DCC: variants seen among roughly 807,000 people sequenced by gnomAD.
DCC encodes netrin receptor DCC.
Under a neutral mutation model 172.5 loss-of-function variants are expected in DCC, and 58 were observed. The observed-to-expected ratio is 0.34, with a 90% CI of 0.27 to 0.42. The LOEUF (loss-of-function observed/expected upper bound fraction) is 0.42. Among genes scored for constraint, DCC ranks in the 10% least tolerant of loss-of-function variants. The pLI, the probability that DCC is intolerant of heterozygous loss-of-function variation, is 1.00. For synonymous variants in DCC, 709 were observed against 644.5 expected (o/e 1.10, Z -1.52); for missense variants, 1,740 against 1,791.0 (o/e 0.97, Z 0.51).
chr18:53,486,457 T>C (rs1445587923), intron 25 of DCC, among the ~76,000 whole-genome samples: 1 of 152,186 alleles, frequency 6.6e-6, no homozygotes, highest in African/African-American at 2.4e-5. Context: ...AATGCCATAG[T>C]TCATCCTTAA....
chr18:52,488,794 C>G (rs1273094647), intron 1 of DCC, among the ~76,000 whole-genome samples: 2 of 152,012 alleles, frequency 1.3e-5, no homozygotes, highest in South Asian at 4.1e-4. Flanking sequence ...AAGCAAGATA[C>G]TAGGGATCAA....
At position 52,449,797 on chromosome 18, in the gene DCC, G is replaced by A. The variant is rs546180265; in HGVS notation, c.91+108919G>A. 4.7e-3 allele frequency among the ~76,000 whole-genome samples: 718 copies of A among 152,274 alleles called. 3 individuals are homozygous for A. Among genetic ancestry groups the A allele is most frequent in the Non-Finnish European group, 7.8e-3 (532 of 68,024 alleles). ...ATAGTGAATAAGTCTCATGAGATCT[G>A]ATGGTTTTATAAAGGGCAGTTCCCC... On this transcript the variant is annotated intron_variant, in intron 1 of 28. Coordinates refer to ENST00000442544, the MANE Select transcript of DCC (RefSeq NM_005215.4).
chr18:53,380,186 A>G (rs1485302487), intron 15 of DCC, among the ~76,000 whole-genome samples: 1 of 151,936 alleles, frequency 6.6e-6, no homozygotes, highest in Non-Finnish European at 1.5e-5. Flanking sequence ...GAGCAATTCT[A>G]GGCAATTCTT....
intron 2 of DCC, among the ~76,000 whole-genome samples, chr18:52,877,508 G>A (rs1200135253): frequency 6.6e-6 from 1 of 151,802 alleles, no homozygotes; most frequent in African/African-American, 2.4e-5. Context: ...CAGGAGTTCG[G>A]GACCATCCTG....
chr18:52,821,043 C>CG (rs2038396352), intron 2 of DCC, among the ~76,000 whole-genome samples: 1 of 152,130 alleles, frequency 6.6e-6, no homozygotes, highest in Non-Finnish European at 1.5e-5. Context: ...CATTTTATGA[C>CG]GTTATTTCAT....
chr18:52,366,196 T>G (rs1007959429), intron 1 of DCC, among the ~76,000 whole-genome samples: 5 of 152,192 alleles, frequency 3.3e-5, no homozygotes, highest in Non-Finnish European at 5.9e-5. Context: ...AGTACTAATG[T>G]GTCCGGAATT....
chr18:52,915,600 A>G (rs185493884), intron 3 of DCC, among the ~76,000 whole-genome samples: 31 of 152,256 alleles, frequency 2.0e-4, no homozygotes, highest in Admixed American at 5.2e-4. Context: ...TGAATATATT[A>G]AGTGTAAATA....
chr18:53,250,946 C>A (rs1278712883), intron 12 of DCC, among the ~76,000 whole-genome samples: 1 of 151,944 alleles, frequency 6.6e-6, no homozygotes, highest in Admixed American at 6.6e-5. Flanking sequence ...TCTTTCCGAA[C>A]AGATGAGCCT....
intron 5 of DCC, among the ~76,000 whole-genome samples, chr18:53,059,470 G>A (rs2042463360): frequency 6.6e-6 from 1 of 152,084 alleles, no homozygotes; most frequent in South Asian, 2.1e-4. Flanking sequence ...TTAAAAGAAA[G>A]GCAGAAGAGC....
chr18:52,591,787 C>CTTTTTTTTTTTTT (rs370150482), intron 1 of DCC, among the ~76,000 whole-genome samples: 5 of 125,126 alleles, frequency 4.0e-5, no homozygotes, highest in African/African-American at 5.8e-5. Flanking sequence ...TTATTTATTT[C>CTTTTTTTTTTTTT]TTTTTTTTTT....
chr18:52,576,854 G>A (rs2033426855), intron 1 of DCC, among the ~76,000 whole-genome samples: 1 of 149,794 alleles, frequency 6.7e-6, no homozygotes, highest in African/African-American at 2.4e-5. Flanking sequence ...AGAAAATAAT[G>A]TAGTTTCATC....
rs921817220 is a variant in DCC at position 53,339,594 on chromosome 18, A to G, written c.2165-119A>G. ...TGCTAAAATAAAGAGTGACTTGGGCAATAGGTGATGCATTATTTATGCATC... is the reference window on the plus strand; with the variant it reads ...TGCTAAAATAAAGAGTGACTTGGGCGATAGGTGATGCATTATTTATGCATC... On this transcript the variant is annotated intron_variant, in intron 14 of 28. Coordinates refer to ENST00000442544, the MANE Select transcript of DCC (RefSeq NM_005215.4). 80 of 811,260 alleles carry G rather than the reference A, an allele frequency of 9.9e-5. 1 individual carries two copies. The highest frequency in any genetic ancestry group is 7.1e-4 in the South Asian group (52 of 73,424). The allele number at this position is 811,260 out of a possible 1,614,324, so 50.3% of individuals were successfully genotyped here. A position where few individuals can be genotyped will look rare whatever the true frequency, so the allele number is the denominator to read the frequency against.
intron 12 of DCC, among the ~76,000 whole-genome samples, chr18:53,218,748 T>C (rs1246325551): frequency 6.6e-6 from 1 of 152,146 alleles, no homozygotes; most frequent in Non-Finnish European, 1.5e-5. Context: ...TTTAAAATGT[T>C]ACGTTTTATT....
intron 2 of DCC, among the ~76,000 whole-genome samples, chr18:52,762,360 G>T (rs1265908241): frequency 6.6e-6 from 1 of 151,998 alleles, no homozygotes; most frequent in East Asian, 1.9e-4. Flanking sequence ...TGTAGTCCCA[G>T]CTACTTGGGA....
At chr18:53,179,218 G>A (rs2055156715) in intron 9 of DCC, 102 bp downstream of exon 9, 1 of 1,215,248 alleles carries the variant, frequency 8.2e-7, no homozygotes, top group African/African-American at 1.5e-5. Flanking sequence ...CAAAAGCGAA[G>A]AAGAGTTTTT....
At chr18:53,478,897 A>G (rs1175823268) in intron 25 of DCC, among the ~76,000 whole-genome samples, 1 of 152,236 alleles carries the variant, frequency 6.6e-6, no homozygotes. Context: ...ATGGACATTG[A>G]GAGGGACTCG....
chr18:53,104,338 T>C (rs2043214914), intron 7 of DCC, among the ~76,000 whole-genome samples: 3 of 152,002 alleles, frequency 2.0e-5, no homozygotes, highest in Admixed American at 6.6e-5. Flanking sequence ...GGCAGGTCTT[T>C]TCTGTGCTGT....
chr18:53,347,308 T>A (rs1311775129), intron 15 of DCC, among the ~76,000 whole-genome samples: 1 of 152,182 alleles, frequency 6.6e-6, no homozygotes, highest in Non-Finnish European at 1.5e-5. Context: ...ATCCGCCTAG[T>A]TTTGTAAAAT....
intron 22 of DCC, among the ~76,000 whole-genome samples, chr18:53,436,466 G>A (rs1177948988): frequency 6.6e-6 from 1 of 152,104 alleles, no homozygotes; most frequent in African/African-American, 2.4e-5. Flanking sequence ...ATAGTTTGCT[G>A]CATGTGAAAT....
Sources: allele counts gnomAD v4.1 joint callset (sites outside exome capture counted in the v4.1 genomes callset), GRCh38; gene constraint gnomAD v4.1.1; transcripts MANE v1.5; gene names NCBI Gene and HGNC (gene_info 2026-07-23, HGNC 2026-07-21).